Variants in SMAD2 observed in about 807,000 individuals in gnomAD.
The protein encoded by SMAD2 is SMAD family member 2.
In SMAD2, 8 loss-of-function variants were observed where a neutral mutation model predicts 64.4. The observed-to-expected ratio is 0.12, with a 90% CI of 0.07 to 0.22. The LOEUF (loss-of-function observed/expected upper bound fraction) is 0.22, where lower values mean the gene tolerates loss of function less well. Ranked by LOEUF, SMAD2 falls within the 10% of genes least tolerant of loss-of-function variation. The pLI is 1.00. For synonymous variants in SMAD2, 203 were observed against 195.8 expected, an observed-to-expected ratio of 1.04 and a Z score of -0.31; for missense variants, 289 against 561.2, an observed-to-expected ratio of 0.51 and a Z score of 4.90.
At chr18:47,924,245 T>C (rs1027868102) in intron 1 of SMAD2, among the ~76,000 whole-genome samples, 2 of 93,740 alleles carry the variant, frequency 2.1e-5, no homozygotes, top group African/African-American at 4.1e-5. Context: ...CAAAACTCCG[T>C]CTCAAAAAAA....
chr18:47,866,582 T>C (rs1023126271), intron 5 of SMAD2, among the ~76,000 whole-genome samples: 1 of 152,160 alleles, frequency 6.6e-6, no homozygotes, highest in Admixed American at 6.5e-5. Context: ...GCTAAGCTTT[T>C]TGAGTTTAAC....
At chr18:47,865,926 A>G (rs1405428164) in intron 5 of SMAD2, among the ~76,000 whole-genome samples, 2 of 152,346 alleles carry the variant, frequency 1.3e-5, no homozygotes, top group East Asian at 1.9e-4. Context: ...GGGAGGAAAA[A>G]TAAGTTCAGA....
rs1318034558 is a variant in SMAD2 at position 47,827,014 on chromosome 18, C to T, written c.*14813G>A. ...ATTTATCTAAAGTCACATAAATTGG[C>T]ACAATCAGGGTCCAAACCCCAGGCC... On this transcript the variant is annotated 3_prime_UTR_variant, in exon 11 of 11. Transcript: ENST00000262160. 1 of 152,150 alleles carries T rather than the reference C, an allele frequency of 6.6e-6. No individual in the cohort carries two copies. Among genetic ancestry groups the T allele is most frequent in the African/African-American group, 2.4e-5 (1 of 41,440 alleles). The allele number at this position is 152,150 out of a possible 1,614,324, so 9.4% of individuals were successfully genotyped here.
At position 47,821,492 on chromosome 18, in the gene SMAD2, G is replaced by C. The variant is rs774784438; in HGVS notation, c.*20335C>G. The stretch of plus-strand genomic sequence containing the variant: ...GTTCCACGCAAGCAGGAAATTTCTC[G>C]TAATTTTTCCAAGAGCCATGTATTC... On this transcript the variant is annotated 3_prime_UTR_variant, in exon 11 of 11. Transcript: ENST00000262160. The C allele has an allele frequency of 6.6e-6, 1 of 152,076 alleles. No homozygotes were observed. The highest frequency in any genetic ancestry group is 1.5e-5 in the Non-Finnish European group (1 of 67,998). 9.4% of individuals were successfully genotyped at this position (152,076 alleles called of 1,614,324 possible). A position where few individuals can be genotyped will look rare whatever the true frequency, so the allele number is the denominator to read the frequency against.
chr18:47,848,309 A>G (rs901013870), intron 8 of SMAD2, among the ~76,000 whole-genome samples, 166 bp downstream of exon 8: 1 of 152,206 alleles, frequency 6.6e-6, no homozygotes, highest in East Asian at 1.9e-4. Flanking sequence ...CATCACCAGG[A>G]TCTATTAGAA....
chr18:47,909,619 C>G (rs7243502), intron 1 of SMAD2, among the ~76,000 whole-genome samples: 84,685 of 151,974 alleles, frequency 0.56, 23,966 homozygotes, highest in East Asian at 0.8. Context: ...TTATGATCAG[C>G]ACTGCCCTTC....
At chr18:47,890,910 G>A (rs772337356) in intron 2 of SMAD2, among the ~76,000 whole-genome samples, 2 of 152,154 alleles carry the variant, frequency 1.3e-5, no homozygotes, top group Non-Finnish European at 2.9e-5. Context: ...AAAAGGGTAT[G>A]AACATGAGGT....
chr18:47,816,011 G>T lies in SMAD2; in HGVS notation c.*25816C>A. 6.6e-6 allele frequency: 1 copy of T among 152,372 alleles called. No homozygotes were observed. The highest frequency in any genetic ancestry group is 1.5e-5 in the Non-Finnish European group (1 of 68,082). 9.4% of individuals were successfully genotyped at this position (152,372 alleles called of 1,614,324 possible). A position where few individuals can be genotyped will look rare whatever the true frequency, so the allele number is the denominator to read the frequency against. ...TACCACTTGGCTAAGAAGCTGAGGAGGAACTGGCAGTGAGGGAGGAGGTTG... is the reference window on the plus strand; with the variant it reads ...TACCACTTGGCTAAGAAGCTGAGGATGAACTGGCAGTGAGGGAGGAGGTTG... On this transcript the variant is annotated 3_prime_UTR_variant, in exon 11 of 11. Coordinates refer to ENST00000262160, the MANE Select transcript of SMAD2 (RefSeq NM_005901.6).
intron 1 of SMAD2, among the ~76,000 whole-genome samples, chr18:47,898,985 C>T (rs554719802): frequency 3.3e-5 from 5 of 151,600 alleles, no homozygotes; most frequent in African/African-American, 7.3e-5. Context: ...TGAGCTGGGA[C>T]GGGTAGGACA....
intron 6 of SMAD2, among the ~76,000 whole-genome samples, chr18:47,862,603 A>C (rs1216456484): frequency 6.6e-6 from 1 of 152,198 alleles, no homozygotes; most frequent in Non-Finnish European, 1.5e-5. Flanking sequence ...ACTTCATCTT[A>C]AACAACTACA....
In SMAD2 at chr18:47,814,884, G is replaced by A. The variant is rs2144226639; in HGVS notation, c.*26943C>T. On this transcript the variant is annotated 3_prime_UTR_variant, in exon 11 of 11. Transcript: ENST00000262160. ...ACAGTCCCATAGTTGGGACATGGAA[G>A]CTATTAAGGTAGAGACCTTGAGACC... 1 of 152,462 alleles carries A rather than the reference G, an allele frequency of 6.6e-6. No individual in the cohort carries two copies. Among genetic ancestry groups the A allele is most frequent in the South Asian group, 2.1e-4 (1 of 4,822 alleles). The allele number at this position is 152,462 out of a possible 1,614,324, so 9.4% of individuals were successfully genotyped here. A position where few individuals can be genotyped will look rare whatever the true frequency, so the allele number is the denominator to read the frequency against.
chr18:47,833,579 C>A lies in SMAD2; in HGVS notation c.*8248G>T, dbSNP rs546705775. ...TATTGCATTACAAAGTTAATGCCAT[C>A]AGAGAAAAAAAATCTCACCTCACGT... is the stretch of plus-strand genomic sequence containing the variant. On this transcript the variant is annotated 3_prime_UTR_variant, in exon 11 of 11. Transcript: ENST00000262160. 8.7e-6 allele frequency: 2 copies of A among 230,730 alleles called. No homozygotes were observed. The highest frequency in any genetic ancestry group is 4.4e-5 in the African/African-American group (2 of 45,306). The allele number at this position is 230,730 out of a possible 1,614,324, so 14.3% of individuals were successfully genotyped here.
intron 1 of SMAD2, among the ~76,000 whole-genome samples, chr18:47,929,318 A>T (rs374152138): frequency 1.3e-5 from 2 of 152,262 alleles, no homozygotes; most frequent in East Asian, 1.9e-4. Context: ...GCTCAAGGAA[A>T]ACATCCTATC....
Position 47,834,410 on chromosome 18 carries a change from A to G in SMAD2, c.*7417T>C, listed in dbSNP as rs1276291198. ...TCCACATATATACAAAACTCTGCTA[A>G]AAGTTTTGTATCCAGGGAAAGTCCC... is the stretch of plus-strand genomic sequence containing the variant. On this transcript the variant is annotated 3_prime_UTR_variant, in exon 11 of 11. Transcript: ENST00000262160. 2 of 207,176 alleles carry G rather than the reference A, an allele frequency of 9.7e-6. No homozygotes were observed. Among genetic ancestry groups the G allele is most frequent in the East Asian group, 7.3e-5 (1 of 13,716 alleles). The allele number at this position is 207,176 out of a possible 1,614,324, so 12.8% of individuals were successfully genotyped here.
chr18:47,868,214 ACT>A, intron 5 of SMAD2, 107 bp downstream of exon 5: 1 of 940,306 alleles, frequency 1.1e-6, no homozygotes, highest in South Asian at 1.3e-5. Context: ...TCTATTAAAA[ACT>A]CAAAAGCATT....
At chr18:47,860,694 C>T (rs1221073647) in intron 6 of SMAD2, among the ~76,000 whole-genome samples, 1 of 142,416 alleles carries the variant, frequency 7.0e-6, no homozygotes, top group South Asian at 2.3e-4. Context: ...AAACACATTA[C>T]AAGGGAAAAA....
chr18:47,878,540 G>A (rs903415388), intron 2 of SMAD2: 2 of 152,160 alleles, frequency 1.3e-5, no homozygotes, highest in African/African-American at 4.8e-5. Context: ...TGAGGCAGGA[G>A]GATAGTTTGA....
chr18:47,901,774 C>T (rs2033695171), intron 1 of SMAD2, among the ~76,000 whole-genome samples: 1 of 152,132 alleles, frequency 6.6e-6, no homozygotes, highest in Non-Finnish European at 1.5e-5. Context: ...GCCTTCATTT[C>T]AAAAGCTAGC....
At chr18:47,885,132 T>TACACAC (rs57342899) in intron 2 of SMAD2, among the ~76,000 whole-genome samples, 6 of 142,080 alleles carry the variant, frequency 4.2e-5, no homozygotes, top group South Asian at 2.3e-4. Flanking sequence ...TTTAGTCATA[T>TACACAC]ACACACACAC....
Sources: allele counts gnomAD v4.1 joint callset (sites outside exome capture counted in the v4.1 genomes callset), GRCh38; gene constraint gnomAD v4.1.1; transcripts MANE v1.5; gene names NCBI Gene and HGNC (gene_info 2026-07-23, HGNC 2026-07-21).